Variants in PRKD1 observed in about 807,000 individuals in gnomAD.
The protein encoded by PRKD1 is protein kinase D1, also known as serine/threonine-protein kinase D1.
A neutral mutation model predicts 95.9 loss-of-function variants in PRKD1; 63 were observed. That is an observed-to-expected ratio of 0.66 (90% CI 0.54 to 0.81). The LOEUF is 0.81. Ranked by LOEUF, PRKD1 falls within the 30% of genes least tolerant of loss-of-function variation. The pLI is 0.00. For synonymous variants in PRKD1, 425 were observed against 423.1 expected (o/e 1.00, Z -0.05); for missense variants, 1,048 against 1,165.3 (o/e 0.90, Z 1.47).
At chr14:29,718,200 G>A (rs1312088526) in intron 2 of PRKD1, among the ~76,000 whole-genome samples, 1 of 152,106 alleles carries the variant, frequency 6.6e-6, no homozygotes, top group Non-Finnish European at 1.5e-5. Context: ...TAATCCCCAC[G>A]TGTCGAGGCA....
intron 1 of PRKD1, among the ~76,000 whole-genome samples, chr14:29,742,446 C>G (rs1223378530): frequency 1.3e-5 from 2 of 152,180 alleles, no homozygotes; most frequent in Non-Finnish European, 2.9e-5. Context: ...TGTTTGGGAT[C>G]TTGATTCAGG....
chr14:29,785,834 AAAATAAAT>A (rs371063911), intron 1 of PRKD1, among the ~76,000 whole-genome samples: 2,880 of 150,754 alleles, frequency 0.019, 93 homozygotes, highest in Admixed American at 0.082. Context: ...ATAATAAAAT[AAAATAAAT>A]AAATAAATAA....
chr14:29,665,697 G>A (rs969291509), intron 3 of PRKD1, among the ~76,000 whole-genome samples: 41 of 151,978 alleles, frequency 2.7e-4, no homozygotes, highest in African/African-American at 9.9e-4. Flanking sequence ...AATGTGGAGT[G>A]TATACACGCA....
At chr14:29,630,029 C>G (rs1351914006) in intron 10 of PRKD1, among the ~76,000 whole-genome samples, 1 of 150,042 alleles carries the variant, frequency 6.7e-6, no homozygotes, top group Admixed American at 6.7e-5. Flanking sequence ...TCTGCTTCTT[C>G]TTCTTCTCCC....
At position 29,576,618 on chromosome 14, in the gene PRKD1, G is replaced by T. The variant is rs565854350; in HGVS notation, c.*620C>A. On this transcript the variant is annotated 3_prime_UTR_variant, in exon 18 of 18. Coordinates refer to ENST00000331968, the MANE Select transcript of PRKD1 (RefSeq NM_002742.3). Reference sequence around the variant, plus strand: ...ATATATGGCAGTTTACATTTCTAAGGCATTTAGGCTTAAGAGCACTAGGTC... The same window carrying T: ...ATATATGGCAGTTTACATTTCTAAGTCATTTAGGCTTAAGAGCACTAGGTC... 101 of 155,904 alleles carry T rather than the reference G, an allele frequency of 6.5e-4. No homozygotes were observed. Among genetic ancestry groups the T allele is most frequent in the Admixed American group, 1.1e-3 (17 of 16,078 alleles). 9.7% of individuals were successfully genotyped at this position (155,904 alleles called of 1,614,324 possible). A position where few individuals can be genotyped will look rare whatever the true frequency, so the allele number is the denominator to read the frequency against.
intron 1 of PRKD1, among the ~76,000 whole-genome samples, chr14:29,869,435 C>A: frequency 6.7e-6 from 1 of 149,156 alleles, no homozygotes. Context: ...GAAACTCCAT[C>A]TCAAAAAGAA....
In PRKD1 at chr14:29,927,513, C is replaced by A; in HGVS notation, c.-1G>T. Reference sequence around the variant, plus strand: ...GCCGCAGGACCGGAGGGGCGCTCATCGCTCGGCGGGGCGCAGGGCCGGGCA... The same window carrying A: ...GCCGCAGGACCGGAGGGGCGCTCATAGCTCGGCGGGGCGCAGGGCCGGGCA... On this transcript the variant is annotated 5_prime_UTR_variant, in exon 1 of 18. Transcript: ENST00000331968. 2 of 1,184,316 alleles carry A rather than the reference C, an allele frequency of 1.7e-6. No homozygotes were observed. The highest frequency in any genetic ancestry group is 3.8e-5 in the East Asian group (1 of 26,456). The allele number at this position is 1,184,316 out of a possible 1,614,324, so 73.4% of individuals were successfully genotyped here. A position where few individuals can be genotyped will look rare whatever the true frequency, so the allele number is the denominator to read the frequency against.
At chr14:29,703,964 C>T (rs1884961063) in intron 2 of PRKD1, among the ~76,000 whole-genome samples, 1 of 152,198 alleles carries the variant, frequency 6.6e-6, no homozygotes, top group South Asian at 2.1e-4. Flanking sequence ...CCAGTGCTTT[C>T]ACTGGGTGCT....
intron 1 of PRKD1, among the ~76,000 whole-genome samples, chr14:29,863,054 C>T (rs1892764058): frequency 6.6e-6 from 1 of 152,176 alleles, no homozygotes. Context: ...TATTTTGCCA[C>T]TCTTTATAGA....
chr14:29,627,408 C>T (rs1239673689), intron 11 of PRKD1, among the ~76,000 whole-genome samples: 2 of 152,196 alleles, frequency 1.3e-5, no homozygotes, highest in African/African-American at 4.8e-5. Context: ...AAATTCTCAT[C>T]TGTGAAGTAG....
At chr14:29,900,073 GA>G (rs1894270211) in intron 1 of PRKD1, among the ~76,000 whole-genome samples, 1 of 152,204 alleles carries the variant, frequency 6.6e-6, no homozygotes, top group South Asian at 2.1e-4. Context: ...CAGCCATGCA[GA>G]ACTGTGAGTC....
chr14:29,788,879 T>TTTTATTTA (rs200005782), intron 1 of PRKD1, among the ~76,000 whole-genome samples: 9 of 151,866 alleles, frequency 5.9e-5, no homozygotes, highest in East Asian at 2.0e-4. Context: ...CTTTGTTTTC[T>TTTTATTTA]TTTATTTATT....
intron 4 of PRKD1, among the ~76,000 whole-genome samples, chr14:29,660,739 T>C (rs1882143455): frequency 6.6e-6 from 1 of 152,068 alleles, no homozygotes; most frequent in Non-Finnish European, 1.5e-5. Flanking sequence ...AAAAGATGAG[T>C]AAAGCATACA....
chr14:29,924,737 C>A (rs1337526806), intron 1 of PRKD1, among the ~76,000 whole-genome samples: 2 of 152,178 alleles, frequency 1.3e-5, no homozygotes, highest in Middle Eastern at 3.4e-3. Context: ...TTCCTCATAG[C>A]TGACGTCCTC....
chr14:29,832,840 C>T (rs1891467109), intron 1 of PRKD1, among the ~76,000 whole-genome samples: 1 of 151,852 alleles, frequency 6.6e-6, no homozygotes, highest in Non-Finnish European at 1.5e-5. Context: ...AACAAGGCTC[C>T]CAGTGACGTA....
intron 2 of PRKD1, among the ~76,000 whole-genome samples, chr14:29,689,448 T>C (rs1020668415): frequency 1.3e-5 from 2 of 151,826 alleles, no homozygotes; most frequent in East Asian, 3.9e-4. Flanking sequence ...TATTAAAAAG[T>C]CAAGAAACAA....
At chr14:29,732,078 G>A (rs1031376936) in intron 1 of PRKD1, among the ~76,000 whole-genome samples, 7 of 152,030 alleles carry the variant, frequency 4.6e-5, no homozygotes, top group African/African-American at 1.7e-4. Context: ...TCTCCATGTT[G>A]GCCAGGCTGG....
chr14:29,880,851 G>A (rs965654247), intron 1 of PRKD1, among the ~76,000 whole-genome samples: 3 of 152,156 alleles, frequency 2.0e-5, no homozygotes, highest in South Asian at 2.1e-4. Flanking sequence ...GCTGGATTTC[G>A]GACTTGCATG....
At chr14:29,755,357 C>A (rs1311555294) in intron 1 of PRKD1, among the ~76,000 whole-genome samples, 1 of 152,122 alleles carries the variant, frequency 6.6e-6, no homozygotes, top group Non-Finnish European at 1.5e-5. Context: ...AAGCATTTCT[C>A]TAGGTTTCTT....
Sources: gnomAD v4.1 joint callset for allele counts (sites outside exome capture counted in the v4.1 genomes callset) on GRCh38, gnomAD v4.1.1 for gene constraint, MANE v1.5 for transcripts, NCBI Gene and HGNC (gene_info 2026-07-23, HGNC 2026-07-21) for gene names.